Variants in KLHL7 observed in about 807,000 individuals in gnomAD.
The protein encoded by KLHL7 is kelch-like protein 7.
KLHL7 carries 44 observed loss-of-function variants against 67.4 expected under a neutral mutation model. The ratio of observed to expected loss-of-function variants is 0.65; its 90% CI spans 0.51 to 0.84. KLHL7 has a LOEUF of 0.84. Among genes scored for constraint, KLHL7 ranks in the 40% least tolerant of loss-of-function variants. KLHL7 has a pLI of 0.00. For synonymous variants in KLHL7, 252 were observed against 243.3 expected (o/e 1.04, Z -0.33); for missense variants, 362 against 718.1 (o/e 0.50, Z 5.67).
chr7:23,130,174 T>C (rs1227010402), intron 4 of KLHL7, among the ~76,000 whole-genome samples: 1 of 152,210 alleles, frequency 6.6e-6, no homozygotes, highest in African/African-American at 2.4e-5. Context: ...ATTAGTAGTC[T>C]TTTTTCTTCA....
At chr7:23,117,491 A>C (rs540063680) in intron 1 of KLHL7, among the ~76,000 whole-genome samples, 21 of 152,280 alleles carry the variant, frequency 1.4e-4, no homozygotes, top group African/African-American at 5.1e-4. Context: ...CCAGCTCTTA[A>C]AGGGCAATTA....
intron 3 of KLHL7, 43 bp downstream of exon 3, chr7:23,124,824 A>G (rs192586431): frequency 7.6e-7 from 1 of 1,316,488 alleles, no homozygotes; most frequent in Non-Finnish European, 1.1e-6. Flanking sequence ...TAATGTTGGT[A>G]TCTACCATGG....
Position 23,168,043 on chromosome 7 carries a change from T to C in KLHL7, c.1379+6T>C. 3.1e-6 allele frequency: 5 copies of C among 1,611,692 alleles called. No homozygotes were observed. Among genetic ancestry groups the C allele is most frequent in the Non-Finnish European group, 4.2e-6 (5 of 1,177,678 alleles). On this transcript the variant is annotated splice_donor_region_variant and intron_variant, in intron 9 of 10. Transcript: ENST00000339077. ...TATGATCCTGCCACAGAAACGTATG[T>C]ATCTATTTAAAATTTATTTTACAGT... is the stretch of plus-strand genomic sequence containing the variant.
chr7:23,138,864 G>T (rs1784080603), intron 4 of KLHL7, among the ~76,000 whole-genome samples: 2 of 152,154 alleles, frequency 1.3e-5, no homozygotes, highest in South Asian at 4.1e-4. Context: ...AGGCTTGAAG[G>T]CTTTGTGGGT....
chr7:23,148,408 AAAC>A (rs1450144154), intron 6 of KLHL7, among the ~76,000 whole-genome samples: 15 of 115,196 alleles, frequency 1.3e-4, no homozygotes, highest in African/African-American at 7.5e-4. Context: ...AAAAAAAAAA[AAAC>A]AGCAGCCCCA....
intron 4 of KLHL7, among the ~76,000 whole-genome samples, chr7:23,140,449 C>A (rs963529746): frequency 6.6e-6 from 1 of 151,972 alleles, no homozygotes; most frequent in African/African-American, 2.4e-5. Context: ...CCCAACTACT[C>A]GGGAGGCTGA....
chr7:23,155,323 T>C (rs1029188761), intron 7 of KLHL7, among the ~76,000 whole-genome samples: 1 of 152,156 alleles, frequency 6.6e-6, no homozygotes, highest in East Asian at 1.9e-4. Flanking sequence ...ACAGGAAAAT[T>C]ATAAACTTTT....
intron 4 of KLHL7, among the ~76,000 whole-genome samples, chr7:23,132,524 C>T (rs1339444605): frequency 6.6e-6 from 1 of 151,952 alleles, no homozygotes. Flanking sequence ...TATAGAGCTC[C>T]GTATATATTC....
At chr7:23,167,536 C>T (rs1583732969) in intron 8 of KLHL7, among the ~76,000 whole-genome samples, 1 of 152,070 alleles carries the variant, frequency 6.6e-6, no homozygotes, top group South Asian at 2.1e-4. Context: ...GGCTTGAAGA[C>T]ATATATAAGG....
chr7:23,137,947 G>A (rs1332781826), intron 4 of KLHL7, among the ~76,000 whole-genome samples: 1 of 150,006 alleles, frequency 6.7e-6, no homozygotes, highest in East Asian at 2.0e-4. Context: ...GAGGCTGAGC[G>A]GGCGGACCAC....
At chr7:23,165,554 T>C (rs1784978476) in intron 7 of KLHL7, 144 bp from the exon 8 acceptor site, 22 of 965,434 alleles carry the variant, frequency 2.3e-5, no homozygotes, top group Non-Finnish European at 3.0e-5. Context: ...AAGATTAAAT[T>C]GGTAATAGTC....
chr7:23,137,221 G>A (rs1433958623), intron 4 of KLHL7, among the ~76,000 whole-genome samples: 1 of 152,198 alleles, frequency 6.6e-6, no homozygotes, highest in East Asian at 1.9e-4. Context: ...AGAGGCGGAG[G>A]TTGCAGTGAG....
intron 4 of KLHL7, among the ~76,000 whole-genome samples, chr7:23,138,334 C>T (rs559328969): frequency 6.9e-6 from 1 of 144,822 alleles, no homozygotes; most frequent in South Asian, 2.2e-4. Flanking sequence ...TGGTGGCATG[C>T]GCCTGTACTC....
chr7:23,112,025 A>G (rs1583634716), intron 1 of KLHL7, among the ~76,000 whole-genome samples: 1 of 152,188 alleles, frequency 6.6e-6, no homozygotes, highest in African/African-American at 2.4e-5. Context: ...TAATAAAATC[A>G]ACAGGACTTG....
chr7:23,113,928 CA>C (rs1355450994), intron 1 of KLHL7, among the ~76,000 whole-genome samples: 2 of 152,206 alleles, frequency 1.3e-5, no homozygotes, highest in African/African-American at 2.4e-5. Context: ...TAAATTATAT[CA>C]GATTAGCTTA....
At position 23,129,522 on chromosome 7, in the gene KLHL7, G is replaced by A. The variant is rs149737652; in HGVS notation, c.442+4350G>A. On this transcript the variant is annotated intron_variant, in intron 4 of 10. Coordinates refer to ENST00000339077, the MANE Select transcript of KLHL7 (RefSeq NM_001031710.3). ...AATGATTAACTTGTATGTGCCCTTG[G>A]AGGTCATTTAAACAACACTTCACTG... The A allele has an allele frequency of 8.1e-3, 2,026 of 249,158 alleles. 16 individuals carry two copies. Among genetic ancestry groups the A allele is most frequent in the South Asian group, 0.012 (213 of 18,370 alleles). 15.4% of individuals were successfully genotyped at this position (249,158 alleles called of 1,614,324 possible). A position where few individuals can be genotyped will look rare whatever the true frequency, so the allele number is the denominator to read the frequency against.
chr7:23,118,544 G>T (rs993057828), intron 1 of KLHL7, among the ~76,000 whole-genome samples: 2 of 152,118 alleles, frequency 1.3e-5, no homozygotes, highest in African/African-American at 4.8e-5. Flanking sequence ...GCTATCTGTT[G>T]TCGGTGTCCT....
intron 7 of KLHL7, chr7:23,156,170 CAGTTAT>C (rs1308253382): frequency 3.8e-6 from 1 of 264,828 alleles, no homozygotes; most frequent in East Asian, 1.1e-4. Context: ...TTCATTCCAT[CAGTTAT>C]AGTTCTTGTA....
chr7:23,169,023 G>A (rs1785080360), intron 9 of KLHL7, among the ~76,000 whole-genome samples: 1 of 152,184 alleles, frequency 6.6e-6, no homozygotes, highest in African/African-American at 2.4e-5. Flanking sequence ...CACTTTGGGA[G>A]GCTGAGGCAG....
Sources: allele counts gnomAD v4.1 joint callset (sites outside exome capture counted in the v4.1 genomes callset), GRCh38; gene constraint gnomAD v4.1.1; transcripts MANE v1.5; gene names NCBI Gene and HGNC (gene_info 2026-07-23, HGNC 2026-07-21).